The following GALNT13 variants were observed in gnomAD, a reference collection of about 807,000 sequenced individuals.
GALNT13 encodes polypeptide N-acetylgalactosaminyltransferase 13, also known as UDP-GalNAc:polypeptide N-acetylgalactosaminyltransferase 13.
GALNT13 carries 28 observed loss-of-function variants against 64.2 expected under a neutral mutation model. The ratio of observed to expected loss-of-function variants is 0.44; its 90% CI spans 0.32 to 0.60. The LOEUF (loss-of-function observed/expected upper bound fraction) is 0.60. Among genes scored for constraint, GALNT13 ranks in the 20% least tolerant of loss-of-function variants. GALNT13 has a pLI of 0.05. For missense variants in GALNT13, 577 were observed against 669.8 expected, an observed-to-expected ratio of 0.86 and a Z score of 1.53; for synonymous variants, 214 against 224.6, an observed-to-expected ratio of 0.95 and a Z score of 0.42.
the GALNT13 span, among the ~76,000 whole-genome samples, chr2:153,650,221 G>T: frequency 3.4e-4 from 52 of 152,142 alleles, no homozygotes; most frequent in Middle Eastern, 6.8e-3. Flanking sequence ...TTATGTAATG[G>T]CCTTCTTTGT....
At chr2:153,797,089 T>TATTA in the GALNT13 span, among the ~76,000 whole-genome samples, 1 of 152,208 alleles carries the variant, frequency 6.6e-6, no homozygotes, top group Non-Finnish European at 1.5e-5. Flanking sequence ...ATTTAATGAG[T>TATTA]ATTAACATGA....
At chr2:153,081,682 T>C in the GALNT13 span, among the ~76,000 whole-genome samples, 2 of 152,194 alleles carry the variant, frequency 1.3e-5, no homozygotes, top group African/African-American at 4.8e-5. Context: ...TCCATGTTGT[T>C]GCAAATGACT....
chr2:153,849,092 T>G, the GALNT13 span, among the ~76,000 whole-genome samples: 586 of 152,206 alleles, frequency 3.9e-3, 5 homozygotes, highest in African/African-American at 0.014. Flanking sequence ...GATACTACAT[T>G]AAGACTAAAT....
downstream of GALNT13, among the ~76,000 whole-genome samples, chr2:154,456,218 G>A (rs2695411): frequency 0.037 from 5,365 of 145,738 alleles, 286 homozygotes; most frequent in East Asian, 0.22. Context: ...TGTTGTTTTG[G>A]TCAGTGTAGC....
chr2:154,148,393 C>T (rs917045965), intron 4 of GALNT13, among the ~76,000 whole-genome samples: 3 of 152,172 alleles, frequency 2.0e-5, no homozygotes, highest in African/African-American at 7.2e-5. Context: ...CATACATGTG[C>T]ACGTGTCTTT....
the GALNT13 span, among the ~76,000 whole-genome samples, chr2:153,679,429 C>A: frequency 2.0e-5 from 3 of 151,932 alleles, no homozygotes; most frequent in African/African-American, 7.2e-5. Flanking sequence ...TACATCATGG[C>A]AAATGTCTTT....
At chr2:153,140,938 G>A in the GALNT13 span, among the ~76,000 whole-genome samples, 1 of 151,828 alleles carries the variant, frequency 6.6e-6, no homozygotes. Context: ...TTACAGAGTT[G>A]TGCAATCATC....
At chr2:154,090,515 T>C (rs1346747839) in intron 3 of GALNT13, among the ~76,000 whole-genome samples, 2 of 152,096 alleles carry the variant, frequency 1.3e-5, no homozygotes, top group African/African-American at 4.8e-5. Flanking sequence ...TTCCATTCTT[T>C]GGAAAACCTA....
chr2:154,165,416 G>C (rs1378913207), intron 4 of GALNT13, among the ~76,000 whole-genome samples: 1 of 151,856 alleles, frequency 6.6e-6, no homozygotes, highest in African/African-American at 2.4e-5. Flanking sequence ...TCAGAGATTG[G>C]TAATTAACTG....
chr2:154,101,873 A>G (rs1185664930), intron 3 of GALNT13, among the ~76,000 whole-genome samples: 1 of 152,062 alleles, frequency 6.6e-6, no homozygotes, highest in Non-Finnish European at 1.5e-5. Context: ...AGATGTTTTG[A>G]TATCCACTTT....
At chr2:154,041,439 A>G (rs560022811) in intron 3 of GALNT13, among the ~76,000 whole-genome samples, 12 of 140,434 alleles carry the variant, frequency 8.5e-5, no homozygotes, top group African/African-American at 2.7e-4. Context: ...TCACGCTTTT[A>G]TATTAGAAGA....
chr2:153,610,629 C>T, the GALNT13 span, among the ~76,000 whole-genome samples: 71 of 152,198 alleles, frequency 4.7e-4, no homozygotes, highest in African/African-American at 1.7e-3. Flanking sequence ...GAGCCAAGAT[C>T]ACACCACTGC....
chr2:153,633,911 A>G, the GALNT13 span, among the ~76,000 whole-genome samples: 1 of 152,228 alleles, frequency 6.6e-6, no homozygotes, highest in Non-Finnish European at 1.5e-5. Flanking sequence ...CAGAACTGTC[A>G]ATCTTTTCTT....
At chr2:154,024,042 T>C (rs1267987133) in intron 3 of GALNT13, among the ~76,000 whole-genome samples, 2 of 152,334 alleles carry the variant, frequency 1.3e-5, no homozygotes, top group Middle Eastern at 3.4e-3. Flanking sequence ...TTCTGGCTTG[T>C]AGAGTTTCTG....
At chr2:153,601,607 A>C in the GALNT13 span, among the ~76,000 whole-genome samples, 2 of 151,386 alleles carry the variant, frequency 1.3e-5, no homozygotes, top group African/African-American at 4.8e-5. Context: ...CCACATGGTC[A>C]CTCCTGTTCA....
intron 8 of GALNT13, among the ~76,000 whole-genome samples, chr2:154,290,548 G>C (rs1489139223): frequency 6.6e-6 from 1 of 152,220 alleles, no homozygotes; most frequent in African/African-American, 2.4e-5. Flanking sequence ...TAGGTTCCCA[G>C]ATACTGGCTT....
At chr2:153,977,851 T>C (rs1694184877) in intron 3 of GALNT13, among the ~76,000 whole-genome samples, 1 of 152,184 alleles carries the variant, frequency 6.6e-6, no homozygotes, top group Admixed American at 6.5e-5. Flanking sequence ...AAATTCTAAC[T>C]TCTTCTCAAG....
At chr2:153,160,154 G>A in the GALNT13 span, among the ~76,000 whole-genome samples, 1 of 152,174 alleles carries the variant, frequency 6.6e-6, no homozygotes, top group African/African-American at 2.4e-5. Context: ...AGCTGATGAG[G>A]CTGGATATAG....
the GALNT13 span, among the ~76,000 whole-genome samples, chr2:153,111,787 C>T: frequency 6.6e-6 from 1 of 152,014 alleles, no homozygotes; most frequent in East Asian, 1.9e-4. Context: ...TTGACCTGTC[C>T]CTCCTTGTCT....
Sources: gnomAD v4.1 joint callset for allele counts (sites outside exome capture counted in the v4.1 genomes callset) on GRCh38, gnomAD v4.1.1 for gene constraint, MANE v1.5 for transcripts, NCBI Gene and HGNC (gene_info 2026-07-23, HGNC 2026-07-21) for gene names.